Variants in TCF4 observed in about 807,000 individuals in gnomAD.
The protein encoded by TCF4 is transcription factor 4.
A neutral mutation model predicts 82.1 loss-of-function variants in TCF4; 3 were observed. The ratio of observed to expected loss-of-function variants is 0.04; its 90% CI spans 0.02 to 0.09. The LOEUF (loss-of-function observed/expected upper bound fraction) is 0.09. Among genes scored for constraint, TCF4 ranks in the 10% least tolerant of loss-of-function variants. The probability of loss-of-function intolerance (pLI) is 1.00; values close to 1 mark genes in which losing one functional copy is unlikely to be tolerated. For synonymous variants in TCF4, 276 were observed against 309.6 expected (o/e 0.89, Z 1.14); for missense variants, 518 against 852.7 (o/e 0.61, Z 4.89).
At chr18:55,362,928 G>T (rs545182047) in intron 6 of TCF4, among the ~76,000 whole-genome samples, 1 of 152,094 alleles carries the variant, frequency 6.6e-6, no homozygotes. Context: ...CTAAAAGACC[G>T]AAATAATCTT....
chr18:55,555,747 G>T (rs1413033048), intron 3 of TCF4, among the ~76,000 whole-genome samples: 8 of 152,160 alleles, frequency 5.3e-5, no homozygotes, highest in African/African-American at 1.9e-4. Context: ...TATATCAAAT[G>T]TCTTTTAGTA....
intron 8 of TCF4, among the ~76,000 whole-genome samples, chr18:55,315,238 G>A (rs2073817416): frequency 6.6e-6 from 1 of 152,090 alleles, no homozygotes; most frequent in African/African-American, 2.4e-5. Context: ...TTTTTTAGGT[G>A]GGGAGAACGG....
At chr18:55,402,339 G>T in intron 6 of TCF4, 1 of 515,074 alleles carries the variant, frequency 1.9e-6, no homozygotes, top group Non-Finnish European at 2.5e-6. Flanking sequence ...TTCCTCATAG[G>T]CTCGATTTAA....
chr18:55,306,991 C>A (rs770991407), intron 8 of TCF4, among the ~76,000 whole-genome samples: 4 of 152,140 alleles, frequency 2.6e-5, no homozygotes, highest in Non-Finnish European at 2.9e-5. Context: ...AATTAGGAAC[C>A]ACAAGCTATG....
At chr18:55,241,209 T>G (rs917825548) in intron 15 of TCF4, among the ~76,000 whole-genome samples, 1 of 152,228 alleles carries the variant, frequency 6.6e-6, no homozygotes, top group African/African-American at 2.4e-5. Flanking sequence ...TTCATCTTTC[T>G]TGTACTAACT....
chr18:55,240,992 T>C (rs2051027223), intron 15 of TCF4, among the ~76,000 whole-genome samples: 1 of 152,248 alleles, frequency 6.6e-6, no homozygotes, highest in South Asian at 2.1e-4. Context: ...TGTGCAATTC[T>C]TGGAGATTTA....
chr18:55,480,105 C>T lies in TCF4; in HGVS notation c.146-15968G>A, dbSNP rs572783823. ...TCTCTTAACCATTACCTTTTGAATA[C>T]CATGAGCTGCCTGCTACCTGGGAAA... On this transcript the variant is annotated intron_variant, in intron 3 of 19. Transcript: ENST00000354452. 8.1e-4 allele frequency among the ~76,000 whole-genome samples: 123 copies of T among 152,052 alleles called. 1 individual carries two copies. Among genetic ancestry groups the T allele is most frequent in the African/African-American group, 2.8e-3 (117 of 41,482 alleles).
chr18:55,618,233 A>T (rs2097714138), intron 2 of TCF4, among the ~76,000 whole-genome samples: 1 of 152,176 alleles, frequency 6.6e-6, no homozygotes, highest in African/African-American at 2.4e-5. Context: ...TGATTTTAAA[A>T]TTCATCATTC....
At chr18:55,397,830 G>C (rs2093590006) in intron 6 of TCF4, among the ~76,000 whole-genome samples, 1 of 152,042 alleles carries the variant, frequency 6.6e-6, no homozygotes, top group African/African-American at 2.4e-5. Flanking sequence ...AACTTAAAAT[G>C]GTTGGTTCAC....
chr18:55,617,037 ATGTT>A (rs1568495997), intron 2 of TCF4, among the ~76,000 whole-genome samples: 1 of 152,024 alleles, frequency 6.6e-6, no homozygotes, highest in East Asian at 1.9e-4. Flanking sequence ...TTTTTCCCCA[ATGTT>A]TTCTTCTAGG....
At chr18:55,452,463 G>A (rs2095644229) in intron 5 of TCF4, 1 of 152,312 alleles carries the variant, frequency 6.6e-6, no homozygotes, top group Non-Finnish European at 1.5e-5. Context: ...AAAGATCTTT[G>A]TCTGTCACTT....
At chr18:55,408,479 T>A (rs1395667682) in intron 5 of TCF4, among the ~76,000 whole-genome samples, 1 of 152,214 alleles carries the variant, frequency 6.6e-6, no homozygotes, top group East Asian at 1.9e-4. Flanking sequence ...AAACAACAAC[T>A]GAACTTTTTA....
At chr18:55,587,514 G>C (rs1427795941) in intron 1 of TCF4, among the ~76,000 whole-genome samples, 1 of 150,044 alleles carries the variant, frequency 6.7e-6, no homozygotes, top group Admixed American at 6.6e-5. Flanking sequence ...ATGGATCACA[G>C]AGAAAAGAGA....
At chr18:55,353,050 C>T (rs1300028894) in intron 6 of TCF4, among the ~76,000 whole-genome samples, 4 of 152,170 alleles carry the variant, frequency 2.6e-5, no homozygotes, top group African/African-American at 4.8e-5. Context: ...ATTCAGAAAA[C>T]GGCTAAGCAA....
At chr18:55,384,539 A>G (rs926701408) in intron 6 of TCF4, among the ~76,000 whole-genome samples, 4 of 152,234 alleles carry the variant, frequency 2.6e-5, no homozygotes, top group African/African-American at 4.8e-5. Flanking sequence ...TCCCTGCAGC[A>G]AAATCACCCA....
intron 2 of TCF4, among the ~76,000 whole-genome samples, chr18:55,622,169 A>ACG (rs1248019251): frequency 5.1e-5 from 5 of 98,594 alleles, no homozygotes; most frequent in African/African-American, 1.8e-4. Flanking sequence ...ACACACACAC[A>ACG]CACGCACTCA....
chr18:55,516,866 G>C (rs2096887550), intron 3 of TCF4, among the ~76,000 whole-genome samples: 2 of 152,136 alleles, frequency 1.3e-5, no homozygotes. Flanking sequence ...AAGGTCTTTG[G>C]CTTTAACTAA....
At chr18:55,536,806 C>T (rs899587750) in intron 3 of TCF4, among the ~76,000 whole-genome samples, 2 of 152,186 alleles carry the variant, frequency 1.3e-5, no homozygotes, top group Non-Finnish European at 2.9e-5. Context: ...ATGTATATTA[C>T]AAAGTATGTA....
chr18:55,253,745 C>T (rs1177226460), intron 15 of TCF4, among the ~76,000 whole-genome samples: 1 of 151,918 alleles, frequency 6.6e-6, no homozygotes, highest in Non-Finnish European at 1.5e-5. Flanking sequence ...ATCTCCCAGA[C>T]TCAGAATTGA....
Sources: gnomAD v4.1 joint callset for allele counts (sites outside exome capture counted in the v4.1 genomes callset) on GRCh38, gnomAD v4.1.1 for gene constraint, MANE v1.5 for transcripts, NCBI Gene and HGNC (gene_info 2026-07-23, HGNC 2026-07-21) for gene names.